CYP4X1: variants seen among roughly 807,000 people sequenced by gnomAD.
The protein encoded by CYP4X1 is cytochrome P450 family 4 subfamily X member 1.
Under a neutral mutation model 57.9 loss-of-function variants are expected in CYP4X1, and 44 were observed. The observed-to-expected ratio is 0.76, with a 90% confidence interval of 0.60 to 0.98. CYP4X1 has a LOEUF of 0.98. Among genes scored for constraint, CYP4X1 ranks in the 50% least tolerant of loss-of-function variants. The pLI, the probability that CYP4X1 is intolerant of heterozygous loss-of-function variation, is 0.00. For synonymous variants in CYP4X1, 227 were observed against 228.6 expected (o/e 0.99, Z 0.06); for missense variants, 532 against 623.9 (o/e 0.85, Z 1.57).
chr1:46,968,484 A>T, the CYP4X1 span, among the ~76,000 whole-genome samples: 4 of 152,058 alleles, frequency 2.6e-5, no homozygotes, highest in African/African-American at 9.7e-5. Context: ...TGTCCCATAC[A>T]TGTAGAGATG....
chr1:47,027,907 T>A (rs1197081630), intron 1 of CYP4X1, among the ~76,000 whole-genome samples: 1 of 152,182 alleles, frequency 6.6e-6, no homozygotes, highest in Admixed American at 6.5e-5. Context: ...CTCTTTTGCT[T>A]GTTCATTTAT....
intron 1 of CYP4X1, among the ~76,000 whole-genome samples, chr1:47,029,758 T>C (rs1318348533): frequency 6.6e-6 from 1 of 152,188 alleles, no homozygotes; most frequent in Non-Finnish European, 1.5e-5. Context: ...CAACAGTGAC[T>C]TGGTCTGGGG....
the CYP4X1 span, among the ~76,000 whole-genome samples, chr1:46,996,383 T>G: frequency 1.3e-5 from 2 of 152,184 alleles, no homozygotes; most frequent in African/African-American, 4.8e-5. Context: ...GTTTGCCATG[T>G]TTCTTCCAGT....
intron 1 of CYP4X1, among the ~76,000 whole-genome samples, chr1:47,026,668 G>T (rs1644068890): frequency 6.6e-6 from 1 of 152,062 alleles, no homozygotes; most frequent in Non-Finnish European, 1.5e-5. Context: ...TCTGATCCAT[G>T]AACACAGAAA....
chr1:46,984,641 G>A, the CYP4X1 span, among the ~76,000 whole-genome samples: 9 of 152,216 alleles, frequency 5.9e-5, no homozygotes, highest in South Asian at 1.9e-3. Flanking sequence ...GGGAAGCCAT[G>A]GGGGGCTGTG....
At chr1:47,052,690 T>G (rs2148518846), downstream of CYP4X1, among the ~76,000 whole-genome samples, 1 of 152,356 alleles carries the variant, frequency 6.6e-6, no homozygotes, top group African/African-American at 2.4e-5. Context: ...CTGACATTTA[T>G]TGACCACTTT....
At chr1:46,989,382 T>A in the CYP4X1 span, among the ~76,000 whole-genome samples, 3 of 152,176 alleles carry the variant, frequency 2.0e-5, no homozygotes, top group South Asian at 2.1e-4. Context: ...TACAAACCAC[T>A]GCTCAACAAA....
the CYP4X1 span, among the ~76,000 whole-genome samples, chr1:46,983,661 A>G: frequency 6.6e-6 from 1 of 152,292 alleles, no homozygotes; most frequent in South Asian, 2.1e-4. Flanking sequence ...ACATTTCTGT[A>G]AGGCAGTTGC....
chr1:47,012,256 T>C, the CYP4X1 span, among the ~76,000 whole-genome samples: 4 of 152,132 alleles, frequency 2.6e-5, no homozygotes, highest in Non-Finnish European at 5.9e-5. Flanking sequence ...ATGTCCTTTG[T>C]AGGGACACGG....
intron 3 of CYP4X1, among the ~76,000 whole-genome samples, chr1:47,032,709 A>G (rs1644137273): frequency 6.6e-6 from 1 of 152,156 alleles, no homozygotes; most frequent in African/African-American, 2.4e-5. Context: ...GACAGAGTGG[A>G]CACTCTTGTC....
the CYP4X1 span, among the ~76,000 whole-genome samples, chr1:47,006,216 G>A: frequency 2.6e-5 from 4 of 152,146 alleles, no homozygotes; most frequent in Admixed American, 2.6e-4. Flanking sequence ...ATGAAGAAAG[G>A]TTTGTGATAT....
At chr1:47,002,023 C>T in the CYP4X1 span, among the ~76,000 whole-genome samples, 2 of 152,224 alleles carry the variant, frequency 1.3e-5, no homozygotes, top group Non-Finnish European at 2.9e-5. Context: ...AGGCAGCGTT[C>T]GTGATTTATC....
chr1:47,000,952 TTG>T, the CYP4X1 span: 1 of 171,744 alleles, frequency 5.8e-6, no homozygotes, highest in East Asian at 1.4e-4. Flanking sequence ...GTGTATCCCA[TTG>T]TTGAATTTCA....
the CYP4X1 span, among the ~76,000 whole-genome samples, chr1:46,978,746 G>A: frequency 3.9e-5 from 6 of 152,096 alleles, no homozygotes; most frequent in East Asian, 9.6e-4. Context: ...CTTAGCAAAT[G>A]TAAAAGAACA....
chr1:47,049,454 T>A lies in CYP4X1; in HGVS notation c.1305T>A (p.Asn435Lys), dbSNP rs1644338002. The A allele has an allele frequency of 6.2e-7, 1 of 1,614,160 alleles. No individual in the cohort carries two copies. The highest frequency in any genetic ancestry group is 1.3e-5 in the African/African-American group (1 of 75,054). ...ACCCCTTGAGGTTCTCTCAGGAGAA[T>A]TCTGATCAGAGACACCCCTATGCCT... ...VFDPLRFSQE[N>K]SDQRHPYAYL... Residue 435 changes from asparagine (N) to lysine (K), a missense_variant, in exon 11 of 12, where the codon AAT (asparagine) becomes AAA (lysine). Coordinates refer to ENST00000371901, the MANE Select transcript of CYP4X1 (RefSeq NM_178033.2).
intron 2 of CYP4X1, among the ~76,000 whole-genome samples, chr1:47,031,189 G>A (rs1391111328): frequency 6.6e-6 from 1 of 152,246 alleles, no homozygotes; most frequent in Non-Finnish European, 1.5e-5. Flanking sequence ...TGGAGGAAGT[G>A]TAAACAAGGG....
the CYP4X1 span, among the ~76,000 whole-genome samples, chr1:47,008,405 C>A: frequency 6.6e-6 from 1 of 152,166 alleles, no homozygotes; most frequent in African/African-American, 2.4e-5. Flanking sequence ...GCCTGCCTTA[C>A]AAGAGCTCCT....
At chr1:47,045,598 C>G (rs1259997790) in intron 8 of CYP4X1, among the ~76,000 whole-genome samples, 2 of 152,222 alleles carry the variant, frequency 1.3e-5, no homozygotes, top group African/African-American at 2.4e-5. Flanking sequence ...TCGACTTATT[C>G]TTACTGACTA....
chr1:47,047,689 C>T (rs1421695119), intron 9 of CYP4X1, among the ~76,000 whole-genome samples: 3 of 152,146 alleles, frequency 2.0e-5, no homozygotes, highest in African/African-American at 7.2e-5. Context: ...GCAACCTCTG[C>T]CTCCCAGGTT....
Sources: allele counts gnomAD v4.1 joint callset (sites outside exome capture counted in the v4.1 genomes callset), GRCh38; gene constraint gnomAD v4.1.1; transcripts MANE v1.5; gene names NCBI Gene and HGNC (gene_info 2026-07-23, HGNC 2026-07-21).